The following ZNF343 variants were observed in gnomAD, a reference collection of about 807,000 sequenced individuals.
ZNF343 encodes zinc finger protein 343.
ZNF343 carries 11 observed loss-of-function variants against 13.8 expected under a neutral mutation model. The ratio of observed to expected loss-of-function variants is 0.80; its 90% CI spans 0.50 to 1.32. The LOEUF is 1.32. Ranked by LOEUF, ZNF343 falls within the 40% of genes most tolerant of loss-of-function variation. The probability of loss-of-function intolerance (pLI) is 0.00; values close to 1 mark genes in which losing one functional copy is unlikely to be tolerated. For missense variants in ZNF343, 658 were observed against 714.2 expected, an observed-to-expected ratio of 0.92 and a Z score of 0.90; for synonymous variants, 248 against 260.0, an observed-to-expected ratio of 0.95 and a Z score of 0.44.
intron 3 of ZNF343, 48 bp from the exon 4 acceptor site, chr20:2,493,625 C>CA (rs755235697): frequency 3.1e-6 from 3 of 960,594 alleles, no homozygotes; most frequent in Non-Finnish European, 4.4e-6. Flanking sequence ...CCCCACCCCC[C>CA]ACCCCCCACC....
intron 1 of ZNF343, among the ~76,000 whole-genome samples, chr20:2,522,513 G>A (rs2085786958): frequency 6.6e-6 from 1 of 152,184 alleles, no homozygotes; most frequent in Admixed American, 6.5e-5. Flanking sequence ...AAGTCTTTCT[G>A]AGCCAGTTTG....
In ZNF343 at chr20:2,493,619, AC is replaced by A. The variant is rs200710925; in HGVS notation, c.119-43del. 2,638 of 668,926 alleles carry A rather than the reference AC, an allele frequency of 3.9e-3. 78 individuals carry two copies. The East Asian group carries it at 0.12, about 31-fold the overall frequency. The allele number at this position is 668,926 out of a possible 1,614,324, so 41.4% of individuals were successfully genotyped here. A position where few individuals can be genotyped will look rare whatever the true frequency, so the allele number is the denominator to read the frequency against. On this transcript the variant is annotated intron_variant, in intron 3 of 5. Coordinates refer to ENST00000278772, the MANE Select transcript of ZNF343 (RefSeq NM_024325.6). Reference sequence around the variant, plus strand: ...AAGCTATGAGAAACCAGACCCCCCCACCCCCCACCCCCCACCATGACGCTCC... The same window carrying A: ...AAGCTATGAGAAACCAGACCCCCCCACCCCCACCCCCCACCATGACGCTCC...
At chr20:2,523,625 G>T (rs1445951781) in intron 1 of ZNF343, among the ~76,000 whole-genome samples, 3 of 149,992 alleles carry the variant, frequency 2.0e-5, no homozygotes, top group Non-Finnish European at 4.4e-5. Context: ...AAGTTGACTT[G>T]AAGTTGCAAG....
intron 2 of ZNF343, among the ~76,000 whole-genome samples, chr20:2,498,233 A>G (rs2085493771): frequency 6.6e-6 from 1 of 152,130 alleles, no homozygotes; most frequent in Non-Finnish European, 1.5e-5. Flanking sequence ...GCGCATGCCT[A>G]TAATCCCAGC....
intron 1 of ZNF343, among the ~76,000 whole-genome samples, chr20:2,505,841 A>G: frequency 6.6e-6 from 1 of 152,224 alleles, no homozygotes; most frequent in Non-Finnish European, 1.5e-5. Context: ...TAAAAACCCT[A>G]GAAGAAAAAC....
In ZNF343 at chr20:2,518,030, T is replaced by C. The variant is rs182680727; in HGVS notation, c.-347+6425A>G. On this transcript the variant is annotated intron_variant, in intron 1 of 6. Transcript: ENST00000358413. This position sits in a 1 kb window ranked among gnomAD's most constrained non-coding sequence, Gnocchi z 4.6. ...TTCCTTTTTTCTCTCTTTTTTTTTTTCGAGACAGAGTCTCACTCTGTTACC... is the reference window on the plus strand; with the variant it reads ...TTCCTTTTTTCTCTCTTTTTTTTTTCCGAGACAGAGTCTCACTCTGTTACC... Among the ~76,000 whole-genome samples the C allele has an allele frequency of 6.6e-6, 1 of 151,868 alleles. No individual in the cohort carries two copies. Among genetic ancestry groups the C allele is most frequent in the African/African-American group, 2.4e-5 (1 of 41,440 alleles).
chr20:2,490,537 G>GTTTT (rs67601660), intron 5 of ZNF343, among the ~76,000 whole-genome samples: 2 of 124,650 alleles, frequency 1.6e-5, no homozygotes, highest in Non-Finnish European at 1.8e-5. Flanking sequence ...CTTTTTTTTG[G>GTTTT]TTTTTGTTTT....
At chr20:2,488,968 C>A (rs2085323959) in intron 5 of ZNF343, among the ~76,000 whole-genome samples, 2 of 152,246 alleles carry the variant, frequency 1.3e-5, no homozygotes, top group African/African-American at 4.8e-5. Flanking sequence ...TCACCTGAGC[C>A]CAGGAAGTCG....
chr20:2,497,949 G>A (rs967070605), intron 2 of ZNF343, among the ~76,000 whole-genome samples: 11 of 151,342 alleles, frequency 7.3e-5, no homozygotes, highest in Non-Finnish European at 1.5e-4. Context: ...TGCTCACGAA[G>A]ACTGATTTAG....
In ZNF343 at chr20:2,505,337, T is replaced by G. The variant is rs535710301; in HGVS notation, c.-237+3544A>C. On this transcript the variant is annotated intron_variant, in intron 1 of 5. Coordinates refer to ENST00000278772, the MANE Select transcript of ZNF343 (RefSeq NM_024325.6). The stretch of plus-strand genomic sequence containing the variant: ...TGGAAGAACATTCCATGCTCATGGG[T>G]AGGAAGAATCAATATTGTGAAAATG... Among the ~76,000 whole-genome samples the G allele has an allele frequency of 3.3e-3, 506 of 152,262 alleles. 4 individuals are homozygous for G. The highest frequency in any genetic ancestry group is 0.012 in the African/African-American group (486 of 41,564).
At chr20:2,520,427 G>C (rs1568494182) in intron 1 of ZNF343, among the ~76,000 whole-genome samples, 1 of 151,986 alleles carries the variant, frequency 6.6e-6, no homozygotes. Context: ...GAGCCCAGAG[G>C]TTAGAGATCA....
chr20:2,494,194 CT>C (rs1243697715), intron 2 of ZNF343, 150 bp from the exon 3 acceptor site: 2 of 321,814 alleles, frequency 6.2e-6, no homozygotes, highest in Non-Finnish European at 1.1e-5. Flanking sequence ...GATTTTCTAC[CT>C]TCATTCACTC....
chr20:2,523,717 C>G (rs964682221), intron 1 of ZNF343, among the ~76,000 whole-genome samples: 1 of 137,688 alleles, frequency 7.3e-6, no homozygotes. Flanking sequence ...ATCTCGCACT[C>G]TGGCCTGGGC....
At chr20:2,515,926 C>T (rs546749959) in intron 1 of ZNF343, among the ~76,000 whole-genome samples, 3 of 151,934 alleles carry the variant, frequency 2.0e-5, no homozygotes, top group East Asian at 1.9e-4. Flanking sequence ...TCAGGGTCAG[C>T]GGCTGTGAAA....
chr20:2,514,884 G>A (rs1380728728), intron 1 of ZNF343, among the ~76,000 whole-genome samples: 1 of 152,054 alleles, frequency 6.6e-6, no homozygotes, highest in Non-Finnish European at 1.5e-5. Context: ...AGCTACTCAA[G>A]AGGCTGAGGC....
In ZNF343 at chr20:2,493,812, A is replaced by G. The variant is rs752831819; in HGVS notation, c.84T>C (p.Thr28=). The G allele has an allele frequency of 6.2e-7, 1 of 1,613,950 alleles. No individual in the cohort carries two copies. Residue 28 remains threonine, a synonymous_variant, in exon 3 of 6, where the codon ACT becomes ACC. Transcript: ENST00000278772. ...TATGATTTTGGGTCAATTTCTTCAT[A>G]GTCTCTACATTTTCCCCATTCTTTG... is the stretch of plus-strand genomic sequence containing the variant. ...LLPKNGENVE[T]MKKLTQNHKA...
At chr20:2,523,567 G>A (rs572726277) in intron 1 of ZNF343, among the ~76,000 whole-genome samples, 336 of 151,638 alleles carry the variant, frequency 2.2e-3, no homozygotes, top group Middle Eastern at 0.014. Flanking sequence ...TGAGAAATGG[G>A]AAAACAACTT....
intron 1 of ZNF343, among the ~76,000 whole-genome samples, chr20:2,522,245 G>A (rs557873878): frequency 6.6e-6 from 1 of 152,256 alleles, no homozygotes; most frequent in African/African-American, 2.4e-5. Flanking sequence ...GTTAGGTTAA[G>A]GACATATTCC....
intron 1 of ZNF343, among the ~76,000 whole-genome samples, chr20:2,517,945 T>A (rs995713751): frequency 6.6e-6 from 1 of 152,030 alleles, no homozygotes; most frequent in African/African-American, 2.4e-5. Context: ...GTGAAAGACA[T>A]CTCAAAATCA....
Sources: gnomAD v4.1 joint callset for allele counts (sites outside exome capture counted in the v4.1 genomes callset) on GRCh38, gnomAD v4.1.1 for gene constraint, Gnocchi (gnomAD v3.1) non-coding constraint, MANE v1.5 for transcripts, NCBI Gene and HGNC (gene_info 2026-07-23, HGNC 2026-07-21) for gene names.